The following SYT10 variants were observed in gnomAD, a reference collection of about 807,000 sequenced individuals.
The protein encoded by SYT10 is synaptotagmin 10.
SYT10 carries 31 observed loss-of-function variants against 51.1 expected under a neutral mutation model. The observed-to-expected ratio is 0.61, with a 90% CI of 0.46 to 0.82. The LOEUF (loss-of-function observed/expected upper bound fraction) is 0.82. Ranked by LOEUF, SYT10 falls within the 40% of genes least tolerant of loss-of-function variation. The probability of loss-of-function intolerance (pLI) is 0.00; values close to 1 mark genes in which losing one functional copy is unlikely to be tolerated. For missense variants in SYT10, 603 were observed against 634.0 expected (o/e 0.95, Z 0.53); for synonymous variants, 233 against 225.9 (o/e 1.03, Z -0.28).
intron 4 of SYT10, 94 bp from the exon 5 acceptor site, chr12:33,382,614 A>G (rs932486935): frequency 1.7e-6 from 2 of 1,178,996 alleles, no homozygotes; most frequent in African/African-American, 3.2e-5. Context: ...GACCTATAGT[A>G]CTAAGGCCTA....
chr12:33,437,447 T>C (rs1866647207), intron 1 of SYT10, among the ~76,000 whole-genome samples: 1 of 152,234 alleles, frequency 6.6e-6, no homozygotes, highest in African/African-American at 2.4e-5. Context: ...ATAATTCATA[T>C]ACTATAGTTT....
intron 1 of SYT10, among the ~76,000 whole-genome samples, chr12:33,434,300 A>C (rs1475962602): frequency 6.6e-6 from 1 of 152,202 alleles, no homozygotes; most frequent in African/African-American, 2.4e-5. Context: ...TTAATGTTGT[A>C]AGTGCTCTAA....
At chr12:33,390,109 G>A (rs1239115729) in intron 3 of SYT10, among the ~76,000 whole-genome samples, 1 of 152,202 alleles carries the variant, frequency 6.6e-6, no homozygotes, top group Non-Finnish European at 1.5e-5. Context: ...AGGCATGTTG[G>A]AGAATGTCTG....
intron 3 of SYT10, among the ~76,000 whole-genome samples, chr12:33,402,890 G>T (rs1866318459): frequency 6.6e-6 from 1 of 151,928 alleles, no homozygotes; most frequent in Non-Finnish European, 1.5e-5. Flanking sequence ...CAACAATTAT[G>T]AGATATAATT....
chr12:33,378,921 CTT>C (rs1324821757), intron 6 of SYT10, among the ~76,000 whole-genome samples: 6 of 151,866 alleles, frequency 4.0e-5, no homozygotes, highest in African/African-American at 1.5e-4. Context: ...CAGATAAAGA[CTT>C]GACGCATTCA....
chr12:33,435,577 G>A (rs1325583351), intron 1 of SYT10, among the ~76,000 whole-genome samples: 2 of 152,114 alleles, frequency 1.3e-5, no homozygotes, highest in Non-Finnish European at 2.9e-5. Context: ...AGACCTACAA[G>A]TCTCAAGGAA....
chr12:33,426,318 G>A lies in SYT10; in HGVS notation c.329C>T (p.Thr110Ile). ...TTCCTTAATTTCTTTTTTCTCTTCAGTCTCAAAAACTTCAGTAGGAGCACT... is the reference window on the plus strand; with the variant it reads ...TTCCTTAATTTCTTTTTTCTCTTCAATCTCAAAAACTTCAGTAGGAGCACT... ...ISSAPTEVFETEEKKEIKENE... is the reference protein window; with the variant it reads ...ISSAPTEVFEIEEKKEIKENE... The change falls in exon 2 of 7, where the codon ACT becomes ATT. Residue 110 changes from threonine (T) to isoleucine (I), a missense_variant. Thr to Ile is a moderately conservative substitution (Grantham distance 89). Transcript: ENST00000228567. The A allele has an allele frequency of 6.2e-7, 1 of 1,613,826 alleles. No individual in the cohort carries two copies. Among genetic ancestry groups the A allele is most frequent in the Non-Finnish European group, 8.5e-7 (1 of 1,179,980 alleles).
chr12:33,388,830 T>C (rs1565491592), intron 3 of SYT10, among the ~76,000 whole-genome samples: 1 of 152,222 alleles, frequency 6.6e-6, no homozygotes, highest in Non-Finnish European at 1.5e-5. Flanking sequence ...TTTTTCCATG[T>C]AGTCTCTTTC....
At chr12:33,387,790 C>T (rs1866170119) in intron 3 of SYT10, among the ~76,000 whole-genome samples, 1 of 140,940 alleles carries the variant, frequency 7.1e-6, no homozygotes, top group Non-Finnish European at 1.5e-5. Context: ...CACTCTGTCA[C>T]CCAGGCTGGA....
chr12:33,374,827 T>G lies in SYT10; in HGVS notation c.*2003A>C, dbSNP rs1866049527. ...CCTTAGGGAGTAAAGAAAAGCGAGT[T>G]TCTAAGAATCAACAAAAAGTCCTTA... On this transcript the variant is annotated 3_prime_UTR_variant, in exon 7 of 7. Coordinates refer to ENST00000228567, the MANE Select transcript of SYT10 (RefSeq NM_198992.4). 1 of 151,952 alleles carries G rather than the reference T, an allele frequency of 6.6e-6. No individual in the cohort carries two copies. Among genetic ancestry groups the G allele is most frequent in the South Asian group, 2.1e-4 (1 of 4,832 alleles). The allele number at this position is 151,952 out of a possible 1,614,324, so 9.4% of individuals were successfully genotyped here.
chr12:33,425,378 G>C (rs1365722532), intron 2 of SYT10, among the ~76,000 whole-genome samples: 2 of 151,970 alleles, frequency 1.3e-5, no homozygotes, highest in Non-Finnish European at 2.9e-5. Context: ...AGAAAAAAAT[G>C]CCTCTTTATA....
chr12:33,411,653 T>C (rs4576911), intron 2 of SYT10, among the ~76,000 whole-genome samples: 7,315 of 152,258 alleles, frequency 0.048, 325 homozygotes, highest in African/African-American at 0.12. Context: ...TGGCCCCTAA[T>C]TGAAACTACA....
At position 33,379,850 on chromosome 12, in the gene SYT10, G is replaced by A; in HGVS notation, c.1482C>T (p.His494=). ...AGCTTACCTCCAGCAATGGGTGCCA[G>A]TGCGTTATTGGTTTTCGATGATAGG... The part of the protein sequence containing the change: ...MLAYHRKPIT[H]WHPLLELPGR... The change falls in exon 6 of 7, where the codon CAC becomes CAT. Residue 494 remains histidine, a synonymous_variant. Transcript: ENST00000228567. 6.2e-7 allele frequency: 1 copy of A among 1,613,924 alleles called. No individual in the cohort carries two copies.
chr12:33,429,420 T>C (rs1866579861), intron 1 of SYT10, among the ~76,000 whole-genome samples: 1 of 152,192 alleles, frequency 6.6e-6, no homozygotes, highest in African/African-American at 2.4e-5. Context: ...TAGGAGAAAC[T>C]TGAATAGGAA....
At chr12:33,393,032 A>G (rs2138397920) in intron 3 of SYT10, among the ~76,000 whole-genome samples, 1 of 147,558 alleles carries the variant, frequency 6.8e-6, no homozygotes, top group Non-Finnish European at 1.5e-5. Flanking sequence ...AACCGCAATT[A>G]CTTTTGCACC....
At chr12:33,380,781 G>A (rs1866107291) in intron 5 of SYT10, among the ~76,000 whole-genome samples, 1 of 152,116 alleles carries the variant, frequency 6.6e-6, no homozygotes, top group Non-Finnish European at 1.5e-5. Flanking sequence ...CTGAATCAAA[G>A]GAGTTGTTGG....
rs527633167 is a variant in SYT10, at chr12:33,374,554, A to G, written c.*2276T>C. 6.6e-6 allele frequency: 1 copy of G among 152,020 alleles called. No individual in the cohort carries two copies. The highest frequency in any genetic ancestry group is 2.1e-4 in the South Asian group (1 of 4,830). 9.4% of individuals were successfully genotyped at this position (152,020 alleles called of 1,614,324 possible). On this transcript the variant is annotated 3_prime_UTR_variant, in exon 7 of 7. Coordinates refer to ENST00000228567, the MANE Select transcript of SYT10 (RefSeq NM_198992.4). The stretch of plus-strand genomic sequence containing the variant: ...AATAATATGAACTGTCATTTTTAAC[A>G]ATCATGCCTTATTAATCTGAGCATA...
chr12:33,439,669 T>A lies in SYT10; in HGVS notation c.-147A>T, dbSNP rs1434187322. On this transcript the variant is annotated 5_prime_UTR_variant, in exon 1 of 7. The change abolishes the stop of an existing upstream ORF in the 5' untranslated region. Transcript: ENST00000228567. ...TGCGCCGCTGAGAGCCGGCAACTCT[T>A]AGGAGCCCCACGTTGGCCCCATGGC... 5 of 977,110 alleles carry A rather than the reference T, an allele frequency of 5.1e-6. No individual in the cohort carries two copies. Among genetic ancestry groups the A allele is most frequent in the African/African-American group, 1.7e-5 (1 of 60,148 alleles). 60.5% of individuals were successfully genotyped at this position (977,110 alleles called of 1,614,324 possible).
In SYT10 at chr12:33,439,596, T is replaced by C. The variant is rs1233528212; in HGVS notation, c.-74A>G. The C allele has an allele frequency of 9.7e-6, 15 of 1,539,704 alleles. No homozygotes were observed. In the East Asian group the frequency reaches 3.2e-4, roughly 33 times the overall value. Reference sequence around the variant, plus strand: ...TTCCTCTTCCCGTACCTCTAACCCCTCTGGCGCCCTAAGCCATAGTCCGCC... The same window carrying C: ...TTCCTCTTCCCGTACCTCTAACCCCCCTGGCGCCCTAAGCCATAGTCCGCC... On this transcript the variant is annotated 5_prime_UTR_variant, in exon 1 of 7. Transcript: ENST00000228567.
Sources: gnomAD v4.1 joint callset for allele counts (sites outside exome capture counted in the v4.1 genomes callset) on GRCh38, gnomAD v4.1.1 for gene constraint, MANE v1.5 for transcripts, NCBI Gene and HGNC (gene_info 2026-07-23, HGNC 2026-07-21) for gene names.